Variants in RAPH1 observed in about 807,000 individuals in gnomAD.
RAPH1 encodes Ras association (RalGDS/AF-6) and pleckstrin homology domains 1.
In RAPH1, 18 loss-of-function variants were observed where a neutral mutation model predicts 88.1. The observed-to-expected ratio is 0.20, with a 90% CI of 0.14 to 0.30. The LOEUF is 0.30. Among genes scored for constraint, RAPH1 ranks in the 10% least tolerant of loss-of-function variants. The probability of loss-of-function intolerance (pLI) is 1.00; values close to 1 mark genes in which losing one functional copy is unlikely to be tolerated. For synonymous variants in RAPH1, 587 were observed against 559.0 expected, an observed-to-expected ratio of 1.05 and a Z score of -0.71; for missense variants, 1,448 against 1,543.2, an observed-to-expected ratio of 0.94 and a Z score of 1.03.
intron 13 of RAPH1, chr2:203,444,209 G>A: frequency 6.6e-6 from 1 of 152,386 alleles, no homozygotes; most frequent in Non-Finnish European, 1.5e-5. Context: ...TGAGGCAGGT[G>A]GATCTCGAAG....
intron 9 of RAPH1, 30 bp downstream of exon 9, chr2:203,455,407 G>T (rs2098518505): frequency 1.3e-6 from 2 of 1,599,524 alleles, no homozygotes; most frequent in Non-Finnish European, 8.5e-7. Flanking sequence ...GCATAATGAG[G>T]AAGTTCAAAT....
chr2:203,485,961 C>G (rs527278281), intron 4 of RAPH1, among the ~76,000 whole-genome samples: 1 of 152,082 alleles, frequency 6.6e-6, no homozygotes, highest in African/African-American at 2.4e-5. Context: ...TGGGGACCAT[C>G]CTCATGTTCC....
chr2:203,434,056 C>CTATCTATATA lies in RAPH1; in HGVS notation c.*5380_*5381insTATATAGATA, dbSNP rs1488308709. 428 of 145,674 alleles carry CTATCTATATA rather than the reference C, an allele frequency of 2.9e-3. 5 individuals are homozygous for CTATCTATATA. The highest frequency in any genetic ancestry group is 0.01 in the African/African-American group (411 of 39,298). The allele number at this position is 145,674 out of a possible 1,614,324, so 9.0% of individuals were successfully genotyped here. A position where few individuals can be genotyped will look rare whatever the true frequency, so the allele number is the denominator to read the frequency against. ...CTCTCTCATATATCTATCTATCTATCTATATATATATATATATATATATAG... is the reference window on the plus strand; with the variant it reads ...CTCTCTCATATATCTATCTATCTATCTATCTATATATATATATATATATATATATATATAG... On this transcript the variant is annotated 3_prime_UTR_variant, in exon 14 of 14. Coordinates refer to ENST00000319170, the MANE Select transcript of RAPH1 (RefSeq NM_213589.3).
intron 1 of RAPH1, among the ~76,000 whole-genome samples, chr2:203,503,945 C>G (rs966767158): frequency 2.0e-5 from 3 of 152,210 alleles, no homozygotes; most frequent in Admixed American, 2.0e-4. Flanking sequence ...CCAGGTCTCA[C>G]ATCCTGGTCA....
At chr2:203,518,332 A>G (rs1689708805) in intron 1 of RAPH1, among the ~76,000 whole-genome samples, 1 of 152,112 alleles carries the variant, frequency 6.6e-6, no homozygotes, top group Non-Finnish European at 1.5e-5. Context: ...CCTGGCCAAC[A>G]TGGTGAAACC....
Position 203,437,414 on chromosome 2 carries a change from A to G in RAPH1, c.*2023T>C, listed in dbSNP as rs942273757. ...ACTATAAAACTGCAGGCAGAAGACT[A>G]TGAGAAATTCATTCATGAATCACAG... On this transcript the variant is annotated 3_prime_UTR_variant, in exon 14 of 14. Coordinates refer to ENST00000319170, the MANE Select transcript of RAPH1 (RefSeq NM_213589.3). 2 of 152,182 alleles carry G rather than the reference A, an allele frequency of 1.3e-5. No individual in the cohort carries two copies. The highest frequency in any genetic ancestry group is 2.9e-5 in the Non-Finnish European group (2 of 68,018). 9.4% of individuals were successfully genotyped at this position (152,182 alleles called of 1,614,324 possible). A position where few individuals can be genotyped will look rare whatever the true frequency, so the allele number is the denominator to read the frequency against.
At chr2:203,511,970 G>A (rs1689358752) in intron 1 of RAPH1, among the ~76,000 whole-genome samples, 1 of 151,976 alleles carries the variant, frequency 6.6e-6, no homozygotes, top group Admixed American at 6.6e-5. Flanking sequence ...AAAATTAGCT[G>A]GGTGTGGTGG....
Position 203,518,208 on chromosome 2 carries a change from A to C in RAPH1, c.-1+16903T>G, listed in dbSNP as rs532817697. On this transcript the variant is annotated intron_variant, in intron 1 of 13. Transcript: ENST00000319170. ...CACCACTACAGATCTTACAGACATT[A>C]AAAGGAAAATAAAAGAATACTATAA... 4.6e-5 allele frequency among the ~76,000 whole-genome samples: 7 copies of C among 152,308 alleles called. No individual in the cohort carries two copies. In the East Asian group the frequency reaches 1.3e-3, roughly 29 times the overall value.
At chr2:203,491,395 T>C in intron 2 of RAPH1, 76 bp from the exon 3 acceptor site, 3 of 972,872 alleles carry the variant, frequency 3.1e-6, no homozygotes, top group Non-Finnish European at 3.1e-6. Context: ...GTTTGTTTTA[T>C]GATTAAGTGA....
intron 1 of RAPH1, among the ~76,000 whole-genome samples, chr2:203,529,085 C>T (rs1386485900): frequency 7.5e-6 from 1 of 134,052 alleles, no homozygotes; most frequent in Admixed American, 8.4e-5. Context: ...TCAGGTGATG[C>T]TCCCAATCTC....
chr2:203,441,390 C>T lies in RAPH1; in HGVS notation c.1800G>A (p.Arg600=). Residue 600 remains arginine, a synonymous_variant, in exon 14 of 14, where the codon CGG becomes CGA. Coordinates refer to ENST00000319170, the MANE Select transcript of RAPH1 (RefSeq NM_213589.3). ...AAGGGGGCACAAGTGAAGTGTAGGG[C>T]CGATTCATAGACTCCATTCTGGCCT... ...SSKARMESMN[R]PYTSLVPPLS... is the part of the protein sequence containing the mutation. 5 of 1,564,306 alleles carry T rather than the reference C, an allele frequency of 3.2e-6. No homozygotes were observed. The Admixed American group carries it at 5.5e-5, about 17-fold the overall frequency.
intron 1 of RAPH1, among the ~76,000 whole-genome samples, chr2:203,518,571 G>A (rs1054728296): frequency 6.6e-6 from 1 of 151,800 alleles, no homozygotes; most frequent in African/African-American, 2.4e-5. Context: ...TATAGGCCAG[G>A]TGTGGTGGCT....
chr2:203,525,744 T>C (rs1690086645), intron 1 of RAPH1, among the ~76,000 whole-genome samples: 1 of 152,108 alleles, frequency 6.6e-6, no homozygotes, highest in African/African-American at 2.4e-5. Flanking sequence ...GCCACTGCAC[T>C]CCAGCCTGGG....
intron 1 of RAPH1, among the ~76,000 whole-genome samples, chr2:203,517,063 A>G (rs1689647591): frequency 6.6e-6 from 1 of 150,912 alleles, no homozygotes; most frequent in Non-Finnish European, 1.5e-5. Context: ...AAAGAAAGAA[A>G]AAGTTTTTGT....
At chr2:203,532,533 T>C (rs977511168) in intron 1 of RAPH1, among the ~76,000 whole-genome samples, 18 of 152,364 alleles carry the variant, frequency 1.2e-4, no homozygotes, top group African/African-American at 4.1e-4. Flanking sequence ...TCTGCCACTA[T>C]AGCTCTGCAG....
At chr2:203,503,352 G>A (rs1056523210) in intron 1 of RAPH1, among the ~76,000 whole-genome samples, 3 of 152,114 alleles carry the variant, frequency 2.0e-5, no homozygotes, top group African/African-American at 7.2e-5. Context: ...TTAACTGGAC[G>A]TACAGTTCCA....
chr2:203,511,538 T>C (rs1689342390), intron 1 of RAPH1, among the ~76,000 whole-genome samples: 1 of 152,216 alleles, frequency 6.6e-6, no homozygotes, highest in East Asian at 1.9e-4. Context: ...TTCTTGCACC[T>C]GACAGAAACC....
At chr2:203,475,842 T>C (rs926513589) in intron 4 of RAPH1, among the ~76,000 whole-genome samples, 1 of 151,988 alleles carries the variant, frequency 6.6e-6, no homozygotes, top group Admixed American at 6.5e-5. Flanking sequence ...CTTCATTATG[T>C]CTTTTAATAG....
chr2:203,498,760 T>C (rs1559488739), intron 1 of RAPH1, among the ~76,000 whole-genome samples: 1 of 152,072 alleles, frequency 6.6e-6, no homozygotes, highest in South Asian at 2.1e-4. Context: ...GAAAATAACA[T>C]TGTAAGATAA....
Sources: allele counts gnomAD v4.1 joint callset (sites outside exome capture counted in the v4.1 genomes callset), GRCh38; gene constraint gnomAD v4.1.1; transcripts MANE v1.5; gene names NCBI Gene and HGNC (gene_info 2026-07-23, HGNC 2026-07-21).